CNTN4: variants seen among roughly 807,000 people sequenced by gnomAD.
The protein encoded by CNTN4 is contactin-4.
CNTN4 carries 77 observed loss-of-function variants against 122.5 expected under a neutral mutation model. That is an observed-to-expected ratio of 0.63 (90% confidence interval 0.52 to 0.76). The LOEUF is 0.76. Among genes scored for constraint, CNTN4 ranks in the 30% least tolerant of loss-of-function variants. The probability of loss-of-function intolerance (pLI) is 0.00; values close to 1 mark genes in which losing one functional copy is unlikely to be tolerated. For synonymous variants in CNTN4, 512 were observed against 447.0 expected (o/e 1.15, Z -1.83); for missense variants, 1,256 against 1,259.1 (o/e 1.00, Z 0.04).
chr3:2,930,116 C>G (rs2151412851), intron 13 of CNTN4, among the ~76,000 whole-genome samples: 1 of 152,322 alleles, frequency 6.6e-6, no homozygotes, highest in Non-Finnish European at 1.5e-5. Flanking sequence ...CCCTCCCTTC[C>G]CTTTCTATAC....
intron 2 of CNTN4, among the ~76,000 whole-genome samples, chr3:2,191,937 T>A (rs540315634): frequency 6.6e-6 from 1 of 151,784 alleles, no homozygotes; most frequent in South Asian, 2.1e-4. Context: ...TGTCCAAGTG[T>A]TCTCATTGTT....
intron 3 of CNTN4, among the ~76,000 whole-genome samples, chr3:2,433,269 A>G (rs1366413890): frequency 6.6e-6 from 1 of 152,126 alleles, no homozygotes; most frequent in African/African-American, 2.4e-5. Flanking sequence ...ATAGTGCACA[A>G]TGGTTTCCCT....
intron 7 of CNTN4, among the ~76,000 whole-genome samples, chr3:2,843,526 C>G (rs916813387): frequency 2.0e-5 from 3 of 152,134 alleles, no homozygotes; most frequent in Non-Finnish European, 4.4e-5. Context: ...TTGTAACCCC[C>G]CAATGTTGGA....
intron 2 of CNTN4, among the ~76,000 whole-genome samples, chr3:2,297,523 T>TC (rs1559426786): frequency 6.6e-6 from 1 of 152,116 alleles, no homozygotes; most frequent in Non-Finnish European, 1.5e-5. Context: ...AAATAGCAAA[T>TC]CCCATACATC....
chr3:2,217,075 G>C (rs1286694266), intron 2 of CNTN4, among the ~76,000 whole-genome samples: 1 of 152,112 alleles, frequency 6.6e-6, no homozygotes, highest in Admixed American at 6.5e-5. Flanking sequence ...TGAAATGTAG[G>C]ATGAGACTTT....
intron 2 of CNTN4, among the ~76,000 whole-genome samples, chr3:2,231,852 C>A (rs943595480): frequency 1.3e-5 from 2 of 152,016 alleles, no homozygotes; most frequent in Non-Finnish European, 2.9e-5. Context: ...ATGCTAATTG[C>A]AATTCAGATT....
At chr3:2,415,622 G>A (rs1046192427) in intron 3 of CNTN4, among the ~76,000 whole-genome samples, 4 of 152,170 alleles carry the variant, frequency 2.6e-5, no homozygotes, top group Non-Finnish European at 5.9e-5. Flanking sequence ...ATACATTTCT[G>A]TGGGACCCAG....
intron 2 of CNTN4, among the ~76,000 whole-genome samples, chr3:2,267,620 A>G (rs1434795627): frequency 6.6e-6 from 1 of 152,070 alleles, no homozygotes; most frequent in Non-Finnish European, 1.5e-5. Context: ...GGATGGAACG[A>G]TATCTTCTAA....
chr3:2,290,674 A>T (rs968589345), intron 2 of CNTN4, among the ~76,000 whole-genome samples: 2 of 152,210 alleles, frequency 1.3e-5, no homozygotes, highest in Non-Finnish European at 2.9e-5. Flanking sequence ...GTCTTAGAGC[A>T]TCTTAAAGAT....
At chr3:2,125,073 A>G (rs1441632501) in intron 2 of CNTN4, among the ~76,000 whole-genome samples, 1 of 152,052 alleles carries the variant, frequency 6.6e-6, no homozygotes, top group Non-Finnish European at 1.5e-5. Context: ...ATCTTGCAGA[A>G]TTGAAATTTT....
At chr3:2,234,255 G>A (rs577313759) in intron 2 of CNTN4, among the ~76,000 whole-genome samples, 10 of 149,996 alleles carry the variant, frequency 6.7e-5, no homozygotes, top group Admixed American at 4.0e-4. Context: ...ACGCACACCT[G>A]TAATCCCAGC....
chr3:2,642,611 T>C (rs1024330592), intron 4 of CNTN4, among the ~76,000 whole-genome samples: 1 of 152,304 alleles, frequency 6.6e-6, no homozygotes, highest in Middle Eastern at 3.4e-3. Flanking sequence ...GAAACAGGTA[T>C]ATGTATACAT....
At chr3:2,605,782 G>A (rs1008241283) in intron 4 of CNTN4, among the ~76,000 whole-genome samples, 1 of 152,162 alleles carries the variant, frequency 6.6e-6, no homozygotes, top group Non-Finnish European at 1.5e-5. Context: ...GTCCTGTCAG[G>A]TGCTAGTGCT....
At chr3:2,291,816 C>A (rs2042146290) in intron 2 of CNTN4, among the ~76,000 whole-genome samples, 1 of 152,086 alleles carries the variant, frequency 6.6e-6, no homozygotes, top group African/African-American at 2.4e-5. Context: ...TCACTGCAAC[C>A]TCCGCCTCCC....
intron 6 of CNTN4, among the ~76,000 whole-genome samples, chr3:2,783,147 A>T (rs753240414): frequency 1.6e-4 from 24 of 151,506 alleles, no homozygotes; most frequent in Non-Finnish European, 2.2e-4. Flanking sequence ...TTAGCAGGAC[A>T]TAGTGGTGGT....
intron 2 of CNTN4, among the ~76,000 whole-genome samples, chr3:2,125,965 C>T (rs2034133822): frequency 6.6e-6 from 1 of 150,624 alleles, no homozygotes; most frequent in African/African-American, 2.4e-5. Context: ...TTTAAAAACC[C>T]TGTCATATTT....
At chr3:2,792,667 G>A (rs2092047840) in intron 6 of CNTN4, among the ~76,000 whole-genome samples, 1 of 152,192 alleles carries the variant, frequency 6.6e-6, no homozygotes, top group Non-Finnish European at 1.5e-5. Flanking sequence ...ACAGACACCT[G>A]TCAAAACCAA....
At chr3:3,043,835 C>T in intron 23 of CNTN4, 131 bp downstream of exon 23, 3 of 713,512 alleles carry the variant, frequency 4.2e-6, no homozygotes, top group Non-Finnish European at 7.7e-6. Context: ...GAATCGCTGC[C>T]TCCAACACGG....
At chr3:2,165,798 T>A (rs2036169985) in intron 2 of CNTN4, among the ~76,000 whole-genome samples, 2 of 152,182 alleles carry the variant, frequency 1.3e-5, no homozygotes. Context: ...TTTCTTTCTG[T>A]GCCTGGCTTA....
Sources: allele counts gnomAD v4.1 joint callset (sites outside exome capture counted in the v4.1 genomes callset), GRCh38; gene constraint gnomAD v4.1.1; transcripts MANE v1.5; gene names NCBI Gene and HGNC (gene_info 2026-07-23, HGNC 2026-07-21).